ENPEP: variants seen among roughly 807,000 people sequenced by gnomAD.
ENPEP encodes glutamyl aminopeptidase, also known as AP-A.
A neutral mutation model predicts 114.5 loss-of-function variants in ENPEP; 103 were observed. The ratio of observed to expected loss-of-function variants is 0.90; its 90% CI spans 0.77 to 1.06. ENPEP has a LOEUF of 1.06. Ranked by LOEUF, ENPEP falls within the 50% of genes least tolerant of loss-of-function variation. ENPEP has a pLI of 0.00. For synonymous variants in ENPEP, 420 were observed against 422.0 expected (o/e 1.00, Z 0.06); for missense variants, 1,196 against 1,161.3 (o/e 1.03, Z -0.43).
chr4:110,544,876 T>C (rs999280971), intron 13 of ENPEP, among the ~76,000 whole-genome samples: 1 of 152,036 alleles, frequency 6.6e-6, no homozygotes, highest in Admixed American at 6.6e-5. Context: ...CCCCATAAAA[T>C]TGTGAAGAGC....
At chr4:110,537,155 C>G (rs1726668637) in intron 11 of ENPEP, among the ~76,000 whole-genome samples, 1 of 152,150 alleles carries the variant, frequency 6.6e-6, no homozygotes, top group Non-Finnish European at 1.5e-5. Flanking sequence ...TTGCTAAAGA[C>G]TTGGGTGGCT....
At chr4:110,497,501 A>AT (rs1560554267) in intron 3 of ENPEP, among the ~76,000 whole-genome samples, 3 of 151,136 alleles carry the variant, frequency 2.0e-5, no homozygotes, top group Admixed American at 2.0e-4. Flanking sequence ...TTTAATGTTC[A>AT]TTTTTTAATT....
intron 6 of ENPEP, 99 bp from the exon 7 acceptor site, chr4:110,513,316 A>G (rs985315006): frequency 3.0e-6 from 4 of 1,323,702 alleles, no homozygotes; most frequent in Non-Finnish European, 4.1e-6. Context: ...TAAGTCATTT[A>G]TATTTATTTT....
chr4:110,559,903 C>T (rs1445340549), intron 19 of ENPEP, among the ~76,000 whole-genome samples, 178 bp downstream of exon 19: 1 of 152,126 alleles, frequency 6.6e-6, no homozygotes, highest in Non-Finnish European at 1.5e-5. Flanking sequence ...TTTTAAGCCC[C>T]GCATGTGTTA....
intron 11 of ENPEP, among the ~76,000 whole-genome samples, chr4:110,535,483 G>C (rs997672440): frequency 3.9e-5 from 6 of 152,160 alleles, no homozygotes; most frequent in Non-Finnish European, 5.9e-5. Flanking sequence ...GGATGATTAT[G>C]GGTTCAGTTT....
intron 11 of ENPEP, among the ~76,000 whole-genome samples, chr4:110,537,996 C>A (rs1295694414): frequency 6.6e-6 from 1 of 152,162 alleles, no homozygotes; most frequent in East Asian, 1.9e-4. Flanking sequence ...ACAGACGTGC[C>A]GTCACCCAGG....
chr4:110,543,691 G>A (rs573000218), intron 13 of ENPEP, among the ~76,000 whole-genome samples: 33 of 151,686 alleles, frequency 2.2e-4, no homozygotes, highest in Non-Finnish European at 4.6e-4. Context: ...AATTTAACAA[G>A]CATTTATTGA....
chr4:110,520,308 C>T lies in ENPEP; in HGVS notation c.1669C>T (p.Gln557Ter). 6.2e-7 allele frequency: 1 copy of T among 1,614,086 alleles called. No individual in the cohort carries two copies. The highest frequency in any genetic ancestry group is 8.5e-7 in the Non-Finnish European group (1 of 1,179,982). The change falls in exon 10 of 20, where the codon CAG (glutamine) becomes TAG (stop). Residue 557 changes from glutamine (Q) to a stop codon, truncating the protein, a stop_gained. Coordinates refer to ENST00000265162, the MANE Select transcript of ENPEP (RefSeq NM_001977.4). LOFTEE classifies it high-confidence loss of function. ...LNVNGVKNIT[Q>*]KRFLLDPRAN... ...CGTGAACGGTGTCAAGAACATCACA[C>T]AGAAACGCTTTTTGTTGGACCCAAG...
chr4:110,487,528 G>A (rs868781558), intron 1 of ENPEP, among the ~76,000 whole-genome samples: 6 of 152,296 alleles, frequency 3.9e-5, no homozygotes, highest in South Asian at 2.1e-4. Context: ...GCTTGTGTGC[G>A]CACGTGTGTG....
At chr4:110,526,894 T>C (rs878971946) in intron 10 of ENPEP, among the ~76,000 whole-genome samples, 1 of 152,124 alleles carries the variant, frequency 6.6e-6, no homozygotes, top group Non-Finnish European at 1.5e-5. Flanking sequence ...AATTCCTAAT[T>C]AAAGAACAAT....
intron 18 of ENPEP, chr4:110,559,081 T>A (rs981627919): frequency 6.6e-6 from 1 of 152,328 alleles, no homozygotes; most frequent in African/African-American, 2.4e-5. Context: ...GTTCTCACTA[T>A]GGTTAGACTC....
chr4:110,492,792 CTTGG>C (rs1282696074), intron 3 of ENPEP, among the ~76,000 whole-genome samples: 1 of 152,176 alleles, frequency 6.6e-6, no homozygotes, highest in African/African-American at 2.4e-5. Flanking sequence ...ATTAGTCAAG[CTTGG>C]TTTTTTCTTT....
intron 10 of ENPEP, among the ~76,000 whole-genome samples, chr4:110,523,747 G>A (rs1428454469): frequency 1.3e-5 from 2 of 152,220 alleles, no homozygotes; most frequent in Non-Finnish European, 2.9e-5. Flanking sequence ...AAAGGACATG[G>A]AAGAGGGAGA....
At chr4:110,534,800 C>T (rs1022381003) in intron 11 of ENPEP, among the ~76,000 whole-genome samples, 24 of 151,776 alleles carry the variant, frequency 1.6e-4, no homozygotes, top group African/African-American at 5.1e-4. Context: ...TGAGCCACCG[C>T]GCCTGGCCTC....
At chr4:110,511,371 T>A (rs1725567514) in intron 6 of ENPEP, among the ~76,000 whole-genome samples, 1 of 152,146 alleles carries the variant, frequency 6.6e-6, no homozygotes, top group Non-Finnish European at 1.5e-5. Flanking sequence ...CAGACTTCTA[T>A]TAACTAAATG....
chr4:110,559,755 C>T (rs1560572915), intron 19 of ENPEP, 30 bp downstream of exon 19: 4 of 1,553,038 alleles, frequency 2.6e-6, no homozygotes, highest in Non-Finnish European at 3.5e-6. Context: ...TGCATTTGTC[C>T]AAGAAGGAGC....
chr4:110,551,439 T>C (rs1445302616), intron 17 of ENPEP, among the ~76,000 whole-genome samples: 1 of 152,158 alleles, frequency 6.6e-6, no homozygotes, highest in Admixed American at 6.5e-5. Flanking sequence ...TTGAGTGTGT[T>C]ACTTTAACCA....
Position 110,509,697 on chromosome 4 carries a change from T to A in ENPEP, c.1084T>A (p.Trp362Arg), listed in dbSNP as rs1321755391. The change falls in exon 5 of 20, where the codon TGG (tryptophan) becomes AGG (arginine). Residue 362 changes from tryptophan to arginine, a missense_variant. By Grantham distance (101) the Trp-to-Arg change is moderately radical. Coordinates refer to ENST00000265162, the MANE Select transcript of ENPEP (RefSeq NM_001977.4). ...PDFGTGAMEN[W>R]GLITYRETNL... ...TTTTGGCACTGGTGCCATGGAGAAC[T>A]GGGGACTCATCACGTACAGAGAAAC... The A allele has an allele frequency of 6.2e-7, 1 of 1,614,182 alleles. No homozygotes were observed. The highest frequency in any genetic ancestry group is 8.5e-7 in the Non-Finnish European group (1 of 1,180,014).
chr4:110,498,611 A>C (rs1001075439), intron 3 of ENPEP, among the ~76,000 whole-genome samples: 6 of 152,156 alleles, frequency 3.9e-5, no homozygotes, highest in African/African-American at 1.4e-4. Context: ...CTCAATAGAC[A>C]AGGACAATAA....
Sources: gnomAD v4.1 joint callset for allele counts (sites outside exome capture counted in the v4.1 genomes callset) on GRCh38, gnomAD v4.1.1 for gene constraint, MANE v1.5 for transcripts, NCBI Gene and HGNC (gene_info 2026-07-23, HGNC 2026-07-21) for gene names.